Variants in LYST observed in about 807,000 individuals in gnomAD.
LYST encodes lysosomal-trafficking regulator.
A neutral mutation model predicts 413.6 loss-of-function variants in LYST; 192 were observed. The observed-to-expected ratio is 0.46, with a 90% CI of 0.41 to 0.52. The LOEUF is 0.52. Among genes scored for constraint, LYST ranks in the 20% least tolerant of loss-of-function variants. The pLI is 0.00. For missense variants in LYST, 3,815 were observed against 4,499.9 expected (o/e 0.85, Z 4.35); for synonymous variants, 1,525 against 1,567.3 (o/e 0.97, Z 0.64).
At chr1:235,774,322 G>A (rs1263059649) in intron 18 of LYST, among the ~76,000 whole-genome samples, 1 of 152,192 alleles carries the variant, frequency 6.6e-6, no homozygotes, top group Non-Finnish European at 1.5e-5. Flanking sequence ...TGCCACAAAT[G>A]TATGGATCTT....
At chr1:235,855,797 G>A (rs1045888139) in intron 1 of LYST, among the ~76,000 whole-genome samples, 6 of 152,024 alleles carry the variant, frequency 3.9e-5, no homozygotes, top group Non-Finnish European at 5.9e-5. Flanking sequence ...CACCTTGCAC[G>A]TATAGATAGC....
chr1:235,678,977 GCTAT>G (rs1482031094), intron 48 of LYST, among the ~76,000 whole-genome samples: 1 of 152,076 alleles, frequency 6.6e-6, no homozygotes, highest in Non-Finnish European at 1.5e-5. Flanking sequence ...ATTAGGTACA[GCTAT>G]CTATCTTAGC....
At position 235,751,199 on chromosome 1, in the gene LYST, T is replaced by G. The variant is rs1490460210; in HGVS notation, c.7780+11A>C. 1 of 1,612,856 alleles carries G rather than the reference T, an allele frequency of 6.2e-7. No homozygotes were observed. Among genetic ancestry groups the G allele is most frequent in the South Asian group, 1.1e-5 (1 of 91,064 alleles). On this transcript the variant is annotated intron_variant, in intron 28 of 52. Coordinates refer to ENST00000389793, the MANE Select transcript of LYST (RefSeq NM_000081.4). ...AATTTATGGTTATTAAAATATGATT[T>G]CAATACTCGCCAGCAATGCTTTTCC...
At chr1:235,692,365 C>A (rs568642593) in intron 47 of LYST, among the ~76,000 whole-genome samples, 103 of 151,856 alleles carry the variant, frequency 6.8e-4, no homozygotes, top group African/African-American at 2.4e-3. Flanking sequence ...AACCAACCAA[C>A]CTAGCTGCTA....
chr1:235,800,582 A>C (rs1163798912), intron 9 of LYST, among the ~76,000 whole-genome samples, 196 bp from the exon 10 acceptor site: 2 of 152,202 alleles, frequency 1.3e-5, no homozygotes, highest in Admixed American at 1.3e-4. Context: ...TTTTCAAAAC[A>C]GCGAGCATGT....
At chr1:235,675,309 G>A (rs956973861) in intron 50 of LYST, among the ~76,000 whole-genome samples, 4 of 152,174 alleles carry the variant, frequency 2.6e-5, no homozygotes, top group African/African-American at 9.6e-5. Context: ...CTCGCAAACT[G>A]CATGTTTATC....
At chr1:235,742,396 A>C (rs1171811485) in intron 30 of LYST, among the ~76,000 whole-genome samples, 1 of 151,648 alleles carries the variant, frequency 6.6e-6, no homozygotes, top group African/African-American at 2.4e-5. Context: ...TGGAGGCTGC[A>C]GTGAGTTGAG....
chr1:235,832,853 T>C (rs1676140825), intron 2 of LYST, among the ~76,000 whole-genome samples: 1 of 152,134 alleles, frequency 6.6e-6, no homozygotes, highest in Admixed American at 6.5e-5. Flanking sequence ...AGGCGCTTTA[T>C]ATTTTTGCCA....
At chr1:235,694,591 T>C (rs916481134) in intron 46 of LYST, among the ~76,000 whole-genome samples, 3 of 152,182 alleles carry the variant, frequency 2.0e-5, no homozygotes, top group South Asian at 2.1e-4. Context: ...ATCAACAGCA[T>C]AGTGAAAATA....
intron 12 of LYST, among the ~76,000 whole-genome samples, chr1:235,790,983 C>G (rs750285805): frequency 3.3e-5 from 5 of 151,926 alleles, no homozygotes; most frequent in Non-Finnish European, 7.4e-5. Context: ...ACCGCTGTCT[C>G]TACTAAAAAT....
intron 1 of LYST, among the ~76,000 whole-genome samples, chr1:235,844,952 A>T (rs958695107): frequency 1.3e-5 from 2 of 152,148 alleles, no homozygotes; most frequent in Non-Finnish European, 2.9e-5. Context: ...AATGATTCCT[A>T]ACTAAAGAGA....
chr1:235,688,812 G>A (rs1420673849), intron 47 of LYST, among the ~76,000 whole-genome samples: 21 of 151,876 alleles, frequency 1.4e-4, no homozygotes, highest in African/African-American at 3.6e-4. Flanking sequence ...GTGAAACCCC[G>A]TCTCTACTAA....
intron 3 of LYST, among the ~76,000 whole-genome samples, chr1:235,815,567 G>A (rs1203744405): frequency 3.9e-5 from 6 of 152,118 alleles, no homozygotes; most frequent in East Asian, 1.9e-4. Context: ...TCCTAGATCT[G>A]ATAAATAACT....
At chr1:235,848,349 C>T (rs928231071) in intron 1 of LYST, among the ~76,000 whole-genome samples, 9 of 152,094 alleles carry the variant, frequency 5.9e-5, no homozygotes, top group African/African-American at 2.2e-4. Context: ...AATAATGACA[C>T]AACCTATCAA....
At chr1:235,771,687 CAT>C (rs1348242533) in intron 19 of LYST, among the ~76,000 whole-genome samples, 2 of 151,820 alleles carry the variant, frequency 1.3e-5, no homozygotes, top group African/African-American at 4.8e-5. Flanking sequence ...TGAAAAGTAC[CAT>C]GAATACCACA....
intron 1 of LYST, among the ~76,000 whole-genome samples, chr1:235,842,662 C>T (rs1357999621): frequency 3.9e-5 from 6 of 152,128 alleles, no homozygotes; most frequent in Admixed American, 2.0e-4. Context: ...TTAAGCCCCT[C>T]GTAGTCAAGT....
chr1:235,802,991 C>T lies in LYST; in HGVS notation c.3629G>A (p.Cys1210Tyr), dbSNP rs1481133463. 1 of 1,613,336 alleles carries T rather than the reference C, an allele frequency of 6.2e-7. No homozygotes were observed. The highest frequency in any genetic ancestry group is 8.5e-7 in the Non-Finnish European group (1 of 1,179,598). The stretch of plus-strand genomic sequence containing the variant: ...TTCTTCAACTAAAAGTTTAAAACTA[C>T]AACACTGAGAATCCTCAGCTTCTTC... ...FSEEAEDSQC[C>Y]SFKLLVEEEG... The change falls in exon 8 of 53, where the codon TGT becomes TAT. Residue 1210 changes from cysteine (C) to tyrosine (Y), a missense_variant. Cys to Tyr is a radical substitution (Grantham distance 194). Transcript: ENST00000389793.
upstream of LYST, among the ~76,000 whole-genome samples, chr1:235,868,401 C>A (rs965712617): frequency 8.5e-5 from 13 of 152,184 alleles, no homozygotes; most frequent in Non-Finnish European, 1.9e-4. Flanking sequence ...CCTGTTTCGT[C>A]ATTTTACCTA....
intron 44 of LYST, among the ~76,000 whole-genome samples, chr1:235,707,249 A>T (rs1029466589): frequency 6.6e-6 from 1 of 152,146 alleles, no homozygotes; most frequent in Non-Finnish European, 1.5e-5. Flanking sequence ...TTGCATCCCC[A>T]GCACCTAGCA....
Sources: allele counts gnomAD v4.1 joint callset (sites outside exome capture counted in the v4.1 genomes callset), GRCh38; gene constraint gnomAD v4.1.1; transcripts MANE v1.5; gene names NCBI Gene and HGNC (gene_info 2026-07-23, HGNC 2026-07-21).